Variants in SNCB observed in about 807,000 individuals in gnomAD.
The protein encoded by SNCB is beta-synuclein.
In SNCB, 8 loss-of-function variants were observed where a neutral mutation model predicts 20.0. That is an observed-to-expected ratio of 0.40 (90% CI 0.24 to 0.72). The LOEUF (loss-of-function observed/expected upper bound fraction) is 0.72, where lower values mean the gene tolerates loss of function less well. SNCB is among the 30% of genes least tolerant of loss of function. The pLI is 0.37. For synonymous variants in SNCB, 56 were observed against 65.4 expected (o/e 0.86, Z 0.69); for missense variants, 125 against 168.0 (o/e 0.74, Z 1.41).
chr5:176,622,932 T>G (rs985640887), intron 4 of SNCB, among the ~76,000 whole-genome samples: 1 of 151,810 alleles, frequency 6.6e-6, no homozygotes, highest in Admixed American at 6.6e-5. Context: ...AGATGGGGTT[T>G]CGCCATGTTG....
In SNCB at chr5:176,629,616, C is replaced by T. The variant is rs756030236; in HGVS notation, c.39G>A (p.Glu13=). The T allele has an allele frequency of 1.2e-6, 2 of 1,613,942 alleles. No individual in the cohort carries two copies. Among genetic ancestry groups the T allele is most frequent in the South Asian group, 1.1e-5 (1 of 91,052 alleles). ...TTTTCTCCGCGGCTGCCACAACGCC[C>T]TCCTTGGCCATGGACAGGCCCTTCA... The part of the protein sequence containing the change: ...VFMKGLSMAK[E]GVVAAAEKTK... The change falls in exon 2 of 6, where the codon GAG becomes GAA. Residue 13 remains glutamate (E), a synonymous_variant. Transcript: ENST00000393693. The surrounding 1 kb of genome is among the most constrained non-coding windows in gnomAD (Gnocchi z 4.1).
At position 176,626,449 on chromosome 5, in the gene SNCB, G is replaced by A. The variant is rs764836078; in HGVS notation, c.231C>T (p.Ile77=). The A allele has an allele frequency of 2.4e-5, 39 of 1,613,992 alleles. No individual in the cohort carries two copies. The highest frequency in any genetic ancestry group is 6.6e-5 in the South Asian group (6 of 91,086). ...TCTTCACCAGTCCTGTGGCTGCTGC[G>A]ATGTTCCCTGCCCCAGAGAACACAG... ...GGAVFSGAGN[I]AAATGLVKRE... Residue 77 remains isoleucine, a synonymous_variant, in exon 4 of 6, where the codon ATC becomes ATT. Transcript: ENST00000393693. The surrounding 1 kb of genome is among the most constrained non-coding windows in gnomAD (Gnocchi z 4.2).
At position 176,626,306 on chromosome 5, in the gene SNCB, G is replaced by A. The variant is rs999325798; in HGVS notation, c.282+92C>T. The A allele has an allele frequency of 1.7e-5, 16 of 944,558 alleles. No homozygotes were observed. Among genetic ancestry groups the A allele is most frequent in the Non-Finnish European group, 2.6e-5 (15 of 580,796 alleles). The allele number at this position is 944,558 out of a possible 1,614,324, so 58.5% of individuals were successfully genotyped here. On this transcript the variant is annotated intron_variant, in intron 4 of 5. Transcript: ENST00000393693. The surrounding 1 kb of genome is among the most constrained non-coding windows in gnomAD (Gnocchi z 4.2). ...AGCTGGTGGCAGGATTAGGGGGGCG[G>A]GGATGGTGACAGGTTTATTTGTGTG...
At chr5:176,623,639 A>G (rs1759753895) in intron 4 of SNCB, among the ~76,000 whole-genome samples, 1 of 152,288 alleles carries the variant, frequency 6.6e-6, no homozygotes, top group East Asian at 1.9e-4. Context: ...CGAGCTGGCT[A>G]CTGGTTACAA....
In SNCB at chr5:176,620,735, A is replaced by C. The variant is rs373720970; in HGVS notation, c.*76T>G. The C allele has an allele frequency of 2.4e-4, 243 of 1,005,996 alleles. 2 individuals carry two copies. The Middle Eastern group carries it at 3.3e-3, about 13-fold the overall frequency. 62.3% of individuals were successfully genotyped at this position (1,005,996 alleles called of 1,614,324 possible). Reference sequence around the variant, plus strand: ...CTCGTGATTGGGGAGAAGGAGTCTAAGGACAGCCCTGGCTCTGGGGGGCGG... The same window carrying C: ...CTCGTGATTGGGGAGAAGGAGTCTACGGACAGCCCTGGCTCTGGGGGGCGG... On this transcript the variant is annotated 3_prime_UTR_variant, in exon 6 of 6. Coordinates refer to ENST00000393693, the MANE Select transcript of SNCB (RefSeq NM_003085.5). The surrounding 1 kb of genome is among the most constrained non-coding windows in gnomAD (Gnocchi z 4.5).
chr5:176,629,705 A>C lies in SNCB; in HGVS notation c.-9-42T>G. The C allele has an allele frequency of 1.9e-6, 3 of 1,595,050 alleles. No individual in the cohort carries two copies. Among genetic ancestry groups the C allele is most frequent in the Admixed American group, 1.7e-5 (1 of 59,242 alleles). On this transcript the variant is annotated intron_variant, in intron 1 of 5. Transcript: ENST00000393693. The surrounding 1 kb of genome is among the most constrained non-coding windows in gnomAD (Gnocchi z 4.1). The stretch of plus-strand genomic sequence containing the variant: ...ACGGGCACCGGTGCACTGGCCCCGC[A>C]CTCTCACCCCAGCCCCTCCCGCGGG...
At chr5:176,622,910 T>C (rs181221665) in intron 4 of SNCB, among the ~76,000 whole-genome samples, 8 of 152,030 alleles carry the variant, frequency 5.3e-5, no homozygotes, top group African/African-American at 1.9e-4. Flanking sequence ...CTAATTTTTG[T>C]ATTTTTAGTA....
chr5:176,624,936 A>G (rs2113393489), intron 4 of SNCB, among the ~76,000 whole-genome samples: 1 of 152,272 alleles, frequency 6.6e-6, no homozygotes, highest in East Asian at 1.9e-4. Flanking sequence ...GTGCAAAATG[A>G]CAGGAGTGGA....
Position 176,626,825 on chromosome 5 carries a change from G to C in SNCB, c.122-64C>G. On this transcript the variant is annotated intron_variant, in intron 2 of 5. Transcript: ENST00000393693. This position sits in a 1 kb window ranked among gnomAD's most constrained non-coding sequence, Gnocchi z 4.2. ...CTGAGGGAACAGAAACTCCAGCACAGCATGGTGATTACAGAGTGGGCATCC... is the reference window on the plus strand; with the variant it reads ...CTGAGGGAACAGAAACTCCAGCACACCATGGTGATTACAGAGTGGGCATCC... The C allele has an allele frequency of 6.4e-7, 1 of 1,570,504 alleles. No individual in the cohort carries two copies. Among genetic ancestry groups the C allele is most frequent in the Non-Finnish European group, 8.8e-7 (1 of 1,140,430 alleles).
chr5:176,629,430 C>G lies in SNCB; in HGVS notation c.121+104G>C. The G allele has an allele frequency of 7.8e-7, 1 of 1,281,174 alleles. No individual in the cohort carries two copies. Among genetic ancestry groups the G allele is most frequent in the South Asian group, 1.3e-5 (1 of 74,288 alleles). The allele number at this position is 1,281,174 out of a possible 1,614,324, so 79.4% of individuals were successfully genotyped here. ...GCTGACCTCGCCCCATCTGCTGACT[C>G]ATATTCTCCTGCCCAGAACCCCCCT... On this transcript the variant is annotated intron_variant, in intron 2 of 5. Coordinates refer to ENST00000393693, the MANE Select transcript of SNCB (RefSeq NM_003085.5). This position sits in a 1 kb window ranked among gnomAD's most constrained non-coding sequence, Gnocchi z 4.1.
chr5:176,621,013 G>T lies in SNCB; in HGVS notation c.373-170C>A, dbSNP rs1177363942. Among the ~76,000 whole-genome samples the T allele has an allele frequency of 2.6e-5, 4 of 152,116 alleles. No individual in the cohort carries two copies. The highest frequency in any genetic ancestry group is 9.7e-5 in the African/African-American group (4 of 41,408). ...AAGTTGGGGACAACAGAGAATTCTT[G>T]GGCAGGTGTGCCTGGGGCCCAGCGC... is the stretch of plus-strand genomic sequence containing the variant. On this transcript the variant is annotated intron_variant, in intron 5 of 5. Coordinates refer to ENST00000393693, the MANE Select transcript of SNCB (RefSeq NM_003085.5). This position sits in a 1 kb window ranked among gnomAD's most constrained non-coding sequence, Gnocchi z 4.1.
At chr5:176,622,430 C>T (rs1344911930) in intron 4 of SNCB, among the ~76,000 whole-genome samples, 2 of 152,094 alleles carry the variant, frequency 1.3e-5, no homozygotes, top group Non-Finnish European at 2.9e-5. Flanking sequence ...GCGGAGTTTG[C>T]AGTGAGCCAA....
chr5:176,625,739 C>A (rs1759900086), intron 4 of SNCB, among the ~76,000 whole-genome samples: 1 of 152,220 alleles, frequency 6.6e-6, no homozygotes, highest in Admixed American at 6.5e-5. Context: ...CCTGCTCCAA[C>A]CTGCCTCAGG....
In SNCB at chr5:176,626,677, C is replaced by CCG; in HGVS notation, c.163+42_163+43insCG. 1 of 1,609,932 alleles carries CCG rather than the reference C, an allele frequency of 6.2e-7. No individual in the cohort carries two copies. Among genetic ancestry groups the CCG allele is most frequent in the Non-Finnish European group, 8.5e-7 (1 of 1,176,212 alleles). ...CCCTCTGGTTCCCGGCCAGATCATC[C>CCG]GCCTAAGTGAGAGAAGGGCTGGTGC... On this transcript the variant is annotated intron_variant, in intron 3 of 5. Coordinates refer to ENST00000393693, the MANE Select transcript of SNCB (RefSeq NM_003085.5). The surrounding 1 kb of genome is among the most constrained non-coding windows in gnomAD (Gnocchi z 4.2).
rs1403873267 is a variant in SNCB, at chr5:176,630,262, GGCGCGC to G, written c.-10+12_-10+17del. The stretch of plus-strand genomic sequence containing the variant: ...CATCCTCATCCCGTTCCCCATCCCC[GGCGCGC>G]GGCCGCCTCACCTGGATGCGGGGCC... On this transcript the variant is annotated intron_variant, in intron 1 of 5. Coordinates refer to ENST00000393693, the MANE Select transcript of SNCB (RefSeq NM_003085.5). 6.6e-6 allele frequency: 1 copy of G among 152,360 alleles called. No homozygotes were observed. Among genetic ancestry groups the G allele is most frequent in the Non-Finnish European group, 1.5e-5 (1 of 68,150 alleles). 9.4% of individuals were successfully genotyped at this position (152,360 alleles called of 1,614,324 possible).
At position 176,620,352 on chromosome 5, in the gene SNCB, G is replaced by C. The variant is rs2113369912; in HGVS notation, c.*459C>G. The stretch of plus-strand genomic sequence containing the variant: ...GCGTTCGGACCGGGCCGGCTGGGAT[G>C]GGGGGCGGGGGACATGGCACAGCCT... On this transcript the variant is annotated 3_prime_UTR_variant, in exon 6 of 6. Coordinates refer to ENST00000393693, the MANE Select transcript of SNCB (RefSeq NM_003085.5). This position sits in a 1 kb window ranked among gnomAD's most constrained non-coding sequence, Gnocchi z 4.5. 1 of 179,834 alleles carries C rather than the reference G, an allele frequency of 5.6e-6. No homozygotes were observed. Among genetic ancestry groups the C allele is most frequent in the East Asian group, 1.5e-4 (1 of 6,680 alleles). The allele number at this position is 179,834 out of a possible 1,614,324, so 11.1% of individuals were successfully genotyped here. A position where few individuals can be genotyped will look rare whatever the true frequency, so the allele number is the denominator to read the frequency against.
At position 176,629,806 on chromosome 5, in the gene SNCB, C is replaced by T. The variant is rs1345298617; in HGVS notation, c.-9-143G>A. ...GCCCCCTCCCGCTTTCCCCCCATCC[C>T]ACCCCACTCCCCAGTGCGAAGCCTC... On this transcript the variant is annotated intron_variant, in intron 1 of 5. Coordinates refer to ENST00000393693, the MANE Select transcript of SNCB (RefSeq NM_003085.5). The surrounding 1 kb of genome is among the most constrained non-coding windows in gnomAD (Gnocchi z 4.1). 1.8e-6 allele frequency: 2 copies of T among 1,133,574 alleles called. No individual in the cohort carries two copies. The highest frequency in any genetic ancestry group is 1.6e-5 in the South Asian group (1 of 61,906). The allele number at this position is 1,133,574 out of a possible 1,614,324, so 70.2% of individuals were successfully genotyped here.
intron 4 of SNCB, among the ~76,000 whole-genome samples, chr5:176,622,959 A>G (rs1462859984): frequency 6.7e-6 from 1 of 149,232 alleles, no homozygotes; most frequent in East Asian, 2.0e-4. Context: ...CTGTTCTCAA[A>G]CTCCTGACCT....
Position 176,620,814 on chromosome 5 carries a change from C to G in SNCB, c.402G>C (p.Ala134=), listed in dbSNP as rs528785110. The G allele has an allele frequency of 1.9e-6, 3 of 1,613,554 alleles. No homozygotes were observed. Among genetic ancestry groups the G allele is most frequent in the Non-Finnish European group, 2.5e-6 (3 of 1,179,532 alleles). ...QEEYQEYEPE[A] ...TGGTGGGGGCTCTCCTGGGCCCCTA[C>G]GCCTCTGGCTCATACTCCTGATATT... The change falls in exon 6 of 6, where the codon GCG becomes GCC. Residue 134 remains alanine, a synonymous_variant. Transcript: ENST00000393693. The surrounding 1 kb of genome is among the most constrained non-coding windows in gnomAD (Gnocchi z 4.5).
Sources: gnomAD v4.1 joint callset for allele counts (sites outside exome capture counted in the v4.1 genomes callset) on GRCh38, gnomAD v4.1.1 for gene constraint, Gnocchi (gnomAD v3.1) non-coding constraint, MANE v1.5 for transcripts, NCBI Gene and HGNC (gene_info 2026-07-23, HGNC 2026-07-21) for gene names.